The following ELAPOR2 variants were observed in gnomAD, a reference collection of about 807,000 sequenced individuals.
ELAPOR2 encodes the protein endosome/lysosome-associated apoptosis and autophagy regulator family member 2.
Under a neutral mutation model 120.7 loss-of-function variants are expected in ELAPOR2, and 89 were observed. The ratio of observed to expected loss-of-function variants is 0.74; its 90% CI spans 0.62 to 0.88. The LOEUF (loss-of-function observed/expected upper bound fraction) is 0.88. Among genes scored for constraint, ELAPOR2 ranks in the 40% least tolerant of loss-of-function variants. The pLI is 0.00. For synonymous variants in ELAPOR2, 444 were observed against 444.9 expected, an observed-to-expected ratio of 1.00 and a Z score of 0.03; for missense variants, 1,134 against 1,251.6, an observed-to-expected ratio of 0.91 and a Z score of 1.42.
At chr7:86,911,065 T>C (rs561378233) in intron 15 of ELAPOR2, among the ~76,000 whole-genome samples, 3 of 151,894 alleles carry the variant, frequency 2.0e-5, no homozygotes, top group Non-Finnish European at 2.9e-5. Flanking sequence ...AGGAAAGAGA[T>C]AGAAGCTAGA....
intron 2 of ELAPOR2, among the ~76,000 whole-genome samples, chr7:86,955,700 C>T (rs1436818332): frequency 1.3e-5 from 2 of 151,882 alleles, no homozygotes; most frequent in Non-Finnish European, 2.9e-5. Context: ...ATCAGAATCA[C>T]CAAAAGAGAC....
At chr7:86,886,635 C>T (rs73382364) in intron 21 of ELAPOR2, among the ~76,000 whole-genome samples, 3,522 of 152,152 alleles carry the variant, frequency 0.023, 136 homozygotes, top group African/African-American at 0.079. Flanking sequence ...CATTTATGGT[C>T]GCTCAACAAG....
At chr7:86,933,439 A>G (rs10216150) in intron 8 of ELAPOR2, among the ~76,000 whole-genome samples, 14,246 of 151,940 alleles carry the variant, frequency 0.094, 748 homozygotes, top group African/African-American at 0.13. Flanking sequence ...TTGTAACCAG[A>G]CCAGCTGAGA....
At chr7:86,944,507 T>C (rs1453891399) in intron 4 of ELAPOR2, among the ~76,000 whole-genome samples, 1 of 152,048 alleles carries the variant, frequency 6.6e-6, no homozygotes, top group Non-Finnish European at 1.5e-5. Context: ...AAAAAAAACT[T>C]TTAAGTGAAA....
intron 2 of ELAPOR2, among the ~76,000 whole-genome samples, chr7:86,948,887 A>G (rs577450950): frequency 1.5e-4 from 23 of 152,188 alleles, no homozygotes; most frequent in Admixed American, 2.6e-4. Context: ...GAACAAAATG[A>G]GACCTCCAAA....
At chr7:86,916,955 A>ATTTTTTTTT (rs58682563) in intron 12 of ELAPOR2, among the ~76,000 whole-genome samples, 3 of 86,684 alleles carry the variant, frequency 3.5e-5, no homozygotes, top group Non-Finnish European at 6.4e-5. Flanking sequence ...TGGCCAGCTA[A>ATTTTTTTTT]TTTTTTTTTT....
intron 16 of ELAPOR2, among the ~76,000 whole-genome samples, chr7:86,908,974 G>A (rs1261280518): frequency 2.0e-5 from 3 of 151,760 alleles, no homozygotes; most frequent in African/African-American, 7.3e-5. Context: ...AAAAAATTTT[G>A]TGCCCTAATA....
intron 1 of ELAPOR2, among the ~76,000 whole-genome samples, chr7:87,020,317 A>C (rs997078197): frequency 6.6e-6 from 1 of 152,184 alleles, no homozygotes; most frequent in Non-Finnish European, 1.5e-5. Flanking sequence ...TATTAATAAA[A>C]GCAAACATCT....
intron 1 of ELAPOR2, among the ~76,000 whole-genome samples, chr7:87,000,484 G>A (rs2116629297): frequency 6.6e-6 from 1 of 152,278 alleles, no homozygotes; most frequent in African/African-American, 2.4e-5. Flanking sequence ...CCCAGACTCT[G>A]CGTCTGACTC....
chr7:86,942,480 A>G (rs1313447350), intron 4 of ELAPOR2, among the ~76,000 whole-genome samples: 1 of 152,122 alleles, frequency 6.6e-6, no homozygotes, highest in Non-Finnish European at 1.5e-5. Context: ...TGCAGGCCCA[A>G]TAGTATAAAA....
intron 1 of ELAPOR2, among the ~76,000 whole-genome samples, chr7:86,974,209 G>T (rs1792197504): frequency 6.6e-6 from 1 of 151,872 alleles, no homozygotes; most frequent in Non-Finnish European, 1.5e-5. Context: ...AAATTAATCA[G>T]GCTGAAACTA....
At chr7:86,968,966 T>C (rs1792011714) in intron 1 of ELAPOR2, among the ~76,000 whole-genome samples, 1 of 152,056 alleles carries the variant, frequency 6.6e-6, no homozygotes, top group Non-Finnish European at 1.5e-5. Flanking sequence ...AAATTCCCTA[T>C]AAACCTTGCA....
At chr7:86,910,135 T>G (rs1423789720) in intron 15 of ELAPOR2, 134 bp from the exon 16 acceptor site, 24 of 657,672 alleles carry the variant, frequency 3.6e-5, no homozygotes, top group Admixed American at 2.5e-4. Flanking sequence ...TGATCTGGTA[T>G]GAGGCCTAGC....
intron 1 of ELAPOR2, among the ~76,000 whole-genome samples, chr7:86,977,074 A>G (rs893094795): frequency 6.6e-6 from 1 of 152,202 alleles, no homozygotes; most frequent in African/African-American, 2.4e-5. Flanking sequence ...ATATTTATGT[A>G]TGTCTCAAAT....
chr7:87,020,069 T>C (rs968243482), intron 1 of ELAPOR2, among the ~76,000 whole-genome samples: 1 of 152,152 alleles, frequency 6.6e-6, no homozygotes, highest in African/African-American at 2.4e-5. Context: ...TGTTAAACAG[T>C]AAACAGTGCA....
intron 2 of ELAPOR2, among the ~76,000 whole-genome samples, chr7:86,961,833 G>A (rs1791722175): frequency 6.6e-6 from 1 of 152,180 alleles, no homozygotes. Context: ...TAAACTCTTG[G>A]CACCAGGGCC....
chr7:87,031,882 A>G (rs1794433237), intron 1 of ELAPOR2, among the ~76,000 whole-genome samples: 1 of 152,176 alleles, frequency 6.6e-6, no homozygotes, highest in South Asian at 2.1e-4. Context: ...CCACAATGTG[A>G]ATAAACCTCA....
chr7:86,955,246 C>A (rs1205526925), intron 2 of ELAPOR2, among the ~76,000 whole-genome samples: 1 of 152,100 alleles, frequency 6.6e-6, no homozygotes, highest in Non-Finnish European at 1.5e-5. Context: ...ATCTATAATT[C>A]TCATTTTATG....
intron 18 of ELAPOR2, among the ~76,000 whole-genome samples, chr7:86,905,126 G>GGAAGGAAA (rs1436484337): frequency 1.1e-3 from 127 of 114,720 alleles, no homozygotes; most frequent in Non-Finnish European, 1.9e-3. Context: ...AAGGAAGGAA[G>GGAAGGAAA]GAAAGAAAGA....
Sources: gnomAD v4.1 joint callset for allele counts (sites outside exome capture counted in the v4.1 genomes callset) on GRCh38, gnomAD v4.1.1 for gene constraint, MANE v1.5 for transcripts, NCBI Gene and HGNC (gene_info 2026-07-23, HGNC 2026-07-21) for gene names.